CD247: variants seen among roughly 807,000 people sequenced by gnomAD.
CD247 encodes the protein T-cell surface glycoprotein CD3 zeta chain.
Under a neutral mutation model 30.0 loss-of-function variants are expected in CD247, and 13 were observed. The ratio of observed to expected loss-of-function variants is 0.43; its 90% CI spans 0.28 to 0.69. CD247 has a LOEUF of 0.69. Ranked by LOEUF, CD247 falls within the 30% of genes least tolerant of loss-of-function variation. The pLI, the probability that CD247 is intolerant of heterozygous loss-of-function variation, is 0.16. For synonymous variants in CD247, 72 were observed against 80.0 expected, an observed-to-expected ratio of 0.90 and a Z score of 0.53; for missense variants, 193 against 212.6, an observed-to-expected ratio of 0.91 and a Z score of 0.57.
At chr1:167,454,804 C>G (rs1407962806) in intron 1 of CD247, among the ~76,000 whole-genome samples, 1 of 152,198 alleles carries the variant, frequency 6.6e-6, no homozygotes, top group East Asian at 1.9e-4. Flanking sequence ...GCTCAGGCTG[C>G]CTGGGCAACG....
chr1:167,434,727 G>C, intron 5 of CD247: 1 of 450,266 alleles, frequency 2.2e-6, no homozygotes, highest in Non-Finnish European at 4.5e-6. Flanking sequence ...ATCAACCTGG[G>C]AACTCCAGCA....
At chr1:167,467,256 G>C (rs1653298377) in intron 1 of CD247, among the ~76,000 whole-genome samples, 1 of 152,176 alleles carries the variant, frequency 6.6e-6, no homozygotes. Flanking sequence ...ACAAAGATTT[G>C]CCATTCGCTC....
chr1:167,457,028 G>A (rs571078587), intron 1 of CD247, among the ~76,000 whole-genome samples: 4 of 152,290 alleles, frequency 2.6e-5, no homozygotes, highest in Admixed American at 2.6e-4. Context: ...ACCTCCAGTC[G>A]TTTTCTGAGG....
chr1:167,477,243 G>A (rs1272454908), intron 1 of CD247, among the ~76,000 whole-genome samples: 3 of 152,174 alleles, frequency 2.0e-5, no homozygotes, highest in East Asian at 1.9e-4. Flanking sequence ...AAATAGGAGC[G>A]GCTGGGCCAG....
intron 1 of CD247, among the ~76,000 whole-genome samples, chr1:167,449,942 G>A (rs1667858183): frequency 6.6e-6 from 1 of 151,956 alleles, no homozygotes; most frequent in Non-Finnish European, 1.5e-5. Context: ...AAAATTTCCT[G>A]AAGAATTGTT....
At position 167,467,309 on chromosome 1, in the gene CD247, C is replaced by A. The variant is rs187165579; in HGVS notation, c.59-26542G>T. ...TAACATAATCTGCTTTTCTGCGGCC[C>A]TTCATGCAAACGCAGAGTCACCCTG... On this transcript the variant is annotated intron_variant, in intron 1 of 7. Coordinates refer to ENST00000362089, the MANE Select transcript of CD247 (RefSeq NM_198053.3). Among the ~76,000 whole-genome samples, 3 of 152,356 alleles carry A rather than the reference C, an allele frequency of 2.0e-5. No homozygotes were observed. The East Asian group carries it at 5.8e-4, about 29-fold the overall frequency.
intron 1 of CD247, among the ~76,000 whole-genome samples, chr1:167,480,314 T>A (rs1003766765): frequency 2.6e-5 from 4 of 152,112 alleles, no homozygotes; most frequent in Admixed American, 6.6e-5. Flanking sequence ...ATAAAAAGAA[T>A]AGGGTTAATT....
intron 1 of CD247, among the ~76,000 whole-genome samples, chr1:167,514,467 G>T (rs1488607693): frequency 1.3e-5 from 2 of 152,152 alleles, no homozygotes; most frequent in Non-Finnish European, 2.9e-5. Flanking sequence ...CATGCTAAGT[G>T]CTGGGTAGAG....
chr1:167,482,769 G>A lies in CD247; in HGVS notation c.58+35639C>T, dbSNP rs149343174. Among the ~76,000 whole-genome samples, 1,175 of 152,302 alleles carry A rather than the reference G, an allele frequency of 7.7e-3. 9 individuals carry two copies. The highest frequency in any genetic ancestry group is 0.012 in the Non-Finnish European group (846 of 68,026). ...CTGGGAGAGAGGCCTTGGGCTGCCC[G>A]TACCCTGGGAAGGGAAGATGAGGTG... On this transcript the variant is annotated intron_variant, in intron 1 of 7. Transcript: ENST00000362089.
intron 7 of CD247, among the ~76,000 whole-genome samples, 200 bp downstream of exon 7, chr1:167,432,824 C>T (rs538747334): frequency 2.6e-4 from 40 of 152,340 alleles, no homozygotes; most frequent in East Asian, 3.9e-4. Context: ...CCAAGTAATT[C>T]GCTTGAATGG....
intron 1 of CD247, among the ~76,000 whole-genome samples, chr1:167,501,599 A>G (rs912579372): frequency 5.3e-5 from 8 of 152,230 alleles, no homozygotes. Context: ...GCAGAAAGAA[A>G]TGGTCAATTC....
At chr1:167,514,654 C>T (rs1396541927) in intron 1 of CD247, among the ~76,000 whole-genome samples, 2 of 151,876 alleles carry the variant, frequency 1.3e-5, no homozygotes, top group African/African-American at 4.8e-5. Context: ...AAGTGACGAA[C>T]ACCATCACTT....
intron 1 of CD247, among the ~76,000 whole-genome samples, chr1:167,515,021 A>C (rs1655540602): frequency 6.6e-6 from 1 of 152,206 alleles, no homozygotes; most frequent in South Asian, 2.1e-4. Context: ...AGAGCTCCCC[A>C]GGACCGTTTC....
At chr1:167,511,769 G>C (rs993931227) in intron 1 of CD247, among the ~76,000 whole-genome samples, 6 of 152,134 alleles carry the variant, frequency 3.9e-5, no homozygotes, top group Non-Finnish European at 8.8e-5. Flanking sequence ...TCAAGGTGCA[G>C]ACCCTGTACG....
chr1:167,514,497 G>A (rs896038413), intron 1 of CD247, among the ~76,000 whole-genome samples: 4 of 152,160 alleles, frequency 2.6e-5, no homozygotes, highest in African/African-American at 7.2e-5. Flanking sequence ...TGACAGGGGC[G>A]TCTTTGTTTT....
At chr1:167,480,493 C>T (rs1653932855) in intron 1 of CD247, among the ~76,000 whole-genome samples, 1 of 152,152 alleles carries the variant, frequency 6.6e-6, no homozygotes, top group Admixed American at 6.5e-5. Flanking sequence ...GCCTAGGAGC[C>T]TTCCAGCTAA....
intron 1 of CD247, among the ~76,000 whole-genome samples, chr1:167,446,591 T>C (rs4424489): frequency 0.12 from 18,125 of 152,170 alleles, 1,577 homozygotes; most frequent in African/African-American, 0.24. Flanking sequence ...CAGCAGGGGA[T>C]GGCCCTCTGA....
At position 167,475,298 on chromosome 1, in the gene CD247, T is replaced by C. The variant is rs149797241; in HGVS notation, c.59-34531A>G. The stretch of plus-strand genomic sequence containing the variant: ...ATCAGCTCACGGCTCTTCCTGTTTT[T>C]CTATATCCCTACCCAGTCCCCTCTC... On this transcript the variant is annotated intron_variant, in intron 1 of 7. Coordinates refer to ENST00000362089, the MANE Select transcript of CD247 (RefSeq NM_198053.3). Among the ~76,000 whole-genome samples the C allele has an allele frequency of 4.4e-3, 664 of 152,312 alleles. 8 individuals are homozygous for C. The highest frequency in any genetic ancestry group is 0.015 in the African/African-American group (625 of 41,562).
chr1:167,516,483 A>T (rs1349883249), intron 1 of CD247, among the ~76,000 whole-genome samples: 1 of 152,246 alleles, frequency 6.6e-6, no homozygotes. Context: ...TGGGTCACTT[A>T]ACTGAGCAAG....
Sources: allele counts gnomAD v4.1 joint callset (sites outside exome capture counted in the v4.1 genomes callset), GRCh38; gene constraint gnomAD v4.1.1; transcripts MANE v1.5; gene names NCBI Gene and HGNC (gene_info 2026-07-23, HGNC 2026-07-21).